FSCN1: variants seen among roughly 807,000 people sequenced by gnomAD.
The protein encoded by FSCN1 is fascin actin-bundling protein 1.
In FSCN1, 10 loss-of-function variants were observed where a neutral mutation model predicts 39.7. That is an observed-to-expected ratio of 0.25 (90% confidence interval 0.16 to 0.43). The LOEUF (loss-of-function observed/expected upper bound fraction) is 0.43. Ranked by LOEUF, FSCN1 falls within the 20% of genes least tolerant of loss-of-function variation. The pLI, the probability that FSCN1 is intolerant of heterozygous loss-of-function variation, is 1.00. For synonymous variants in FSCN1, 322 were observed against 320.0 expected, an observed-to-expected ratio of 1.01 and a Z score of -0.07; for missense variants, 525 against 723.8, an observed-to-expected ratio of 0.73 and a Z score of 3.15.
intron 1 of FSCN1, 142 bp downstream of exon 1, chr7:5,593,910 G>A: frequency 1.6e-6 from 1 of 619,560 alleles, no homozygotes. Flanking sequence ...CTAGGCACGC[G>A]GGCTACCCCG....
rs1254006531 is a variant in FSCN1, at chr7:5,606,361, C to G, written c.*887C>G. ...TCTCAGCCCCCTCTTTCCGTCCTTCCCGTCCAGCCCCAGCCCTGGGCCTGG... is the reference window on the plus strand; with the variant it reads ...TCTCAGCCCCCTCTTTCCGTCCTTCGCGTCCAGCCCCAGCCCTGGGCCTGG... On this transcript the variant is annotated 3_prime_UTR_variant, in exon 5 of 5. Transcript: ENST00000382361. This position sits in a 1 kb window ranked among gnomAD's most constrained non-coding sequence, Gnocchi z 5.1. 1 of 152,108 alleles carries G rather than the reference C, an allele frequency of 6.6e-6. No individual in the cohort carries two copies. Among genetic ancestry groups the G allele is most frequent in the Non-Finnish European group, 1.5e-5 (1 of 68,016 alleles). The allele number at this position is 152,108 out of a possible 1,614,324, so 9.4% of individuals were successfully genotyped here. A position where few individuals can be genotyped will look rare whatever the true frequency, so the allele number is the denominator to read the frequency against.
At chr7:5,600,694 C>T (rs1785810294) in intron 1 of FSCN1, among the ~76,000 whole-genome samples, 1 of 151,042 alleles carries the variant, frequency 6.6e-6, no homozygotes, top group Non-Finnish European at 1.5e-5. Context: ...CGCATTGTCG[C>T]CCAGGCTGGA....
rs1470303344 is a variant in FSCN1 at position 5,603,291 on chromosome 7, C to T, written c.867C>T (p.Thr289=). The change falls in exon 2 of 5, where the codon ACC becomes ACT. Residue 289 remains threonine, a synonymous_variant. Transcript: ENST00000382361. The surrounding 1 kb of genome is among the most constrained non-coding windows in gnomAD (Gnocchi z 8.5). ...MDLSANQDEE[T]DQETFQLEID... Reference sequence around the variant, plus strand: ...TGTCTGCCAATCAGGACGAGGAGACCGACCAGGAGACCTTCCAGCTGGAGA... The same window carrying T: ...TGTCTGCCAATCAGGACGAGGAGACTGACCAGGAGACCTTCCAGCTGGAGA... 2.7e-5 allele frequency: 43 copies of T among 1,612,634 alleles called. No homozygotes were observed. The highest frequency in any genetic ancestry group is 3.4e-5 in the Non-Finnish European group (40 of 1,180,012).
rs1306573668 is a variant in FSCN1, at chr7:5,603,934, A to G, written c.1183A>G (p.Ile395Val). The G allele has an allele frequency of 3.7e-6, 6 of 1,614,070 alleles. No individual in the cohort carries two copies. The highest frequency in any genetic ancestry group is 3.3e-5 in the South Asian group (3 of 91,088). Residue 395 changes from isoleucine (I) to valine (V), a missense_variant, in exon 4 of 5, where the codon ATC becomes GTC. This residue lies in a region of FSCN1 where 275 missense variants were observed against 351.9 expected (regional missense o/e 0.78). Coordinates refer to ENST00000382361, the MANE Select transcript of FSCN1 (RefSeq NM_003088.4). The surrounding 1 kb of genome is among the most constrained non-coding windows in gnomAD (Gnocchi z 8.5). The stretch of plus-strand genomic sequence containing the variant: ...CGTGTTCCGCGGGGAGCATGGCTTC[A>G]TCGGCTGCCGCAAGGTCACGGGCAC... The part of the protein sequence containing the change: ...IIVFRGEHGF[I>V]GCRKVTGTLD...
chr7:5,593,318 C>G lies in FSCN1; in HGVS notation c.382C>G (p.Pro128Ala), dbSNP rs776775107. 1.2e-6 allele frequency: 2 copies of G among 1,611,252 alleles called. No homozygotes were observed. Among genetic ancestry groups the G allele is most frequent in the Non-Finnish European group, 1.7e-6 (2 of 1,179,352 alleles). Residue 128 changes from proline (P) to alanine (A), a missense_variant, in exon 1 of 5, where the codon CCC (proline) becomes GCC (alanine). Physicochemically the swap from Pro to Ala is conservative, Grantham distance 27. This residue lies in a region of FSCN1 where 246 missense variants were observed against 350.6 expected (regional missense o/e 0.70). Transcript: ENST00000382361. ...RLSCFAQTVS[P>A]AEKWSVHIAM... ...GTCCTGCTTCGCGCAGACGGTGTCCCCCGCCGAGAAGTGGAGCGTGCACAT... is the reference window on the plus strand; with the variant it reads ...GTCCTGCTTCGCGCAGACGGTGTCCGCCGCCGAGAAGTGGAGCGTGCACAT...
rs770047473 is a variant in FSCN1, at chr7:5,593,476, C to T, written c.540C>T (p.Ala180=). 1.1e-5 allele frequency: 18 copies of T among 1,611,446 alleles called. No homozygotes were observed. The African/African-American group carries it at 2.4e-4, about 22-fold the overall frequency. ...GCGTCGACTCGCTCATCACCCTCGC[C>T]TTCCAGGACCAGCGCTACAGCGTGC... ...PWGVDSLITL[A]FQDQRYSVQT... is the part of the protein sequence containing the mutation. Residue 180 remains alanine, a synonymous_variant, in exon 1 of 5, where the codon GCC becomes GCT. Coordinates refer to ENST00000382361, the MANE Select transcript of FSCN1 (RefSeq NM_003088.4).
Position 5,593,455 on chromosome 7 carries a change from C to T in FSCN1, c.519C>T (p.Val173=), listed in dbSNP as rs776722311. Residue 173 remains valine, a synonymous_variant, in exon 1 of 5, where the codon GTC becomes GTT. Coordinates refer to ENST00000382361, the MANE Select transcript of FSCN1 (RefSeq NM_003088.4). ...TGGACCGCGACGTGCCCTGGGGCGTCGACTCGCTCATCACCCTCGCCTTCC... is the reference window on the plus strand; with the variant it reads ...TGGACCGCGACGTGCCCTGGGGCGTTGACTCGCTCATCACCCTCGCCTTCC... ...IAVDRDVPWG[V]DSLITLAFQD... 4 of 1,611,868 alleles carry T rather than the reference C, an allele frequency of 2.5e-6. No homozygotes were observed. The highest frequency in any genetic ancestry group is 1.7e-5 in the Admixed American group (1 of 59,988).
chr7:5,602,525 C>T (rs1288201749), intron 1 of FSCN1, among the ~76,000 whole-genome samples: 6 of 152,042 alleles, frequency 3.9e-5, no homozygotes, highest in African/African-American at 1.2e-4. Flanking sequence ...AAATCCCTGA[C>T]ATCAGGGCAT....
At chr7:5,598,007 A>C (rs1233660836) in intron 1 of FSCN1, among the ~76,000 whole-genome samples, 1 of 152,232 alleles carries the variant, frequency 6.6e-6, no homozygotes. Flanking sequence ...AGAGACTCCA[A>C]GGCCAAGCGA....
chr7:5,603,805 C>A lies in FSCN1; in HGVS notation c.1112-58C>A. On this transcript the variant is annotated intron_variant, in intron 3 of 4. Coordinates refer to ENST00000382361, the MANE Select transcript of FSCN1 (RefSeq NM_003088.4). This position sits in a 1 kb window ranked among gnomAD's most constrained non-coding sequence, Gnocchi z 8.5. ...TCCTGGCCCTCCCTCTCTGGTCACC[C>A]CAGCCTCCACCCCACTCCCTGCCAG... 1.9e-6 allele frequency: 3 copies of A among 1,562,914 alleles called. No individual in the cohort carries two copies. Among genetic ancestry groups the A allele is most frequent in the South Asian group, 1.1e-5 (1 of 87,402 alleles).
chr7:5,594,343 G>A (rs1429063521), intron 1 of FSCN1, among the ~76,000 whole-genome samples: 7 of 151,840 alleles, frequency 4.6e-5, no homozygotes, highest in Admixed American at 3.9e-4. Flanking sequence ...GCTGCCGGGC[G>A]GGGTCGGCCT....
In FSCN1 at chr7:5,605,448, G is replaced by A. The variant is rs1785916619; in HGVS notation, c.1456G>A (p.Asp486Asn). The A allele has an allele frequency of 6.3e-7, 1 of 1,595,760 alleles. No homozygotes were observed. The highest frequency in any genetic ancestry group is 1.3e-5 in the African/African-American group (1 of 74,474). ...CCTGAAGGCCTCGGCGGAAACCGTG[G>A]ACCCCGCCTCGCTCTGGGAGTACTA... ...GVLKASAETV[D>N]PASLWEY Residue 486 changes from aspartate to asparagine, a missense_variant, in exon 5 of 5, where the codon GAC becomes AAC. Asp to Asn is a conservative substitution (Grantham distance 23). Coordinates refer to ENST00000382361, the MANE Select transcript of FSCN1 (RefSeq NM_003088.4). This position sits in a 1 kb window ranked among gnomAD's most constrained non-coding sequence, Gnocchi z 6.9.
chr7:5,604,292 G>T (rs145434264), intron 4 of FSCN1, among the ~76,000 whole-genome samples: 275 of 151,090 alleles, frequency 1.8e-3, no homozygotes, highest in African/African-American at 6.6e-3. Flanking sequence ...GGAGGGGAAG[G>T]AGAGCAGGGA....
intron 4 of FSCN1, 78 bp downstream of exon 4, chr7:5,604,108 C>G: frequency 7.3e-7 from 1 of 1,374,888 alleles, no homozygotes. Context: ...GGAGCGCCCT[C>G]TGCATCCACA....
chr7:5,596,058 T>C (rs2128548849), intron 1 of FSCN1, among the ~76,000 whole-genome samples: 1 of 151,186 alleles, frequency 6.6e-6, no homozygotes. Flanking sequence ...GGGGCCGAGG[T>C]TGGGGCTCCT....
At chr7:5,602,389 T>G (rs1406797840) in intron 1 of FSCN1, among the ~76,000 whole-genome samples, 1 of 152,122 alleles carries the variant, frequency 6.6e-6, no homozygotes, top group Non-Finnish European at 1.5e-5. Context: ...GTGTTTTATT[T>G]TAATTTTTAC....
Position 5,603,049 on chromosome 7 carries a change from G to A in FSCN1, c.833-208G>A. On this transcript the variant is annotated intron_variant, in intron 1 of 4. Coordinates refer to ENST00000382361, the MANE Select transcript of FSCN1 (RefSeq NM_003088.4). The surrounding 1 kb of genome is among the most constrained non-coding windows in gnomAD (Gnocchi z 8.5). ...AACTGGGGAAAGTCATGTGGGAACA[G>A]ATGTAGCTTGCCTTGGCCTCTGACC... 2 of 600,268 alleles carry A rather than the reference G, an allele frequency of 3.3e-6. No homozygotes were observed. Among genetic ancestry groups the A allele is most frequent in the South Asian group, 3.9e-5 (2 of 50,862 alleles). The allele number at this position is 600,268 out of a possible 1,614,324, so 37.2% of individuals were successfully genotyped here.
chr7:5,593,857 C>CGCG (rs1785678479), intron 1 of FSCN1, 89 bp downstream of exon 1: 7 of 922,998 alleles, frequency 7.6e-6, no homozygotes, highest in Non-Finnish European at 1.1e-5. Flanking sequence ...CTTTCTCGCT[C>CGCG]GCGGCGCCGC....
In FSCN1 at chr7:5,606,568, G is replaced by C. The variant is rs1001404577; in HGVS notation, c.*1094G>C. ...TGGGTGTCTTGGTCTTTTATTTTTT[G>C]TAAGTGTCATTTGTATAACTCTAAA... On this transcript the variant is annotated 3_prime_UTR_variant, in exon 5 of 5. Transcript: ENST00000382361. This position sits in a 1 kb window ranked among gnomAD's most constrained non-coding sequence, Gnocchi z 5.1. The C allele has an allele frequency of 1.3e-5, 2 of 152,170 alleles. No individual in the cohort carries two copies. The highest frequency in any genetic ancestry group is 4.8e-5 in the African/African-American group (2 of 41,424). 9.4% of individuals were successfully genotyped at this position (152,170 alleles called of 1,614,324 possible).
Sources: allele counts gnomAD v4.1 joint callset (sites outside exome capture counted in the v4.1 genomes callset), GRCh38; gene constraint gnomAD v4.1.1; regional missense constraint gnomAD v4.1.1; non-coding constraint Gnocchi (gnomAD v3.1); transcripts MANE v1.5; gene names NCBI Gene and HGNC (gene_info 2026-07-23, HGNC 2026-07-21).